The following ARID2 variants were observed in gnomAD, a reference collection of about 807,000 sequenced individuals.
The protein encoded by ARID2 is AT-rich interaction domain 2.
In ARID2, 32 loss-of-function variants were observed where a neutral mutation model predicts 184.6. The observed-to-expected ratio is 0.17, with a 90% CI of 0.13 to 0.23. The LOEUF (loss-of-function observed/expected upper bound fraction) is 0.23. Among genes scored for constraint, ARID2 ranks in the 10% least tolerant of loss-of-function variants. The pLI is 1.00. For synonymous variants in ARID2, 836 were observed against 772.6 expected (o/e 1.08, Z -1.36); for missense variants, 1,696 against 2,197.6 (o/e 0.77, Z 4.56).
intron 11 of ARID2, among the ~76,000 whole-genome samples, chr12:45,842,656 C>T (rs1592113114): frequency 6.6e-6 from 1 of 151,590 alleles, no homozygotes; most frequent in Non-Finnish European, 1.5e-5. Flanking sequence ...ACTCAGGAGG[C>T]TGAGGCAGGA....
At chr12:45,748,736 T>G (rs1941405503) in intron 3 of ARID2, among the ~76,000 whole-genome samples, 1 of 152,186 alleles carries the variant, frequency 6.6e-6, no homozygotes, top group African/African-American at 2.4e-5. Flanking sequence ...TCTAAATCCT[T>G]TGTTGTCATT....
intron 3 of ARID2, among the ~76,000 whole-genome samples, chr12:45,743,805 G>T (rs1335955094): frequency 6.6e-6 from 1 of 152,050 alleles, no homozygotes. Context: ...AGAGCCTAAA[G>T]TTTTCTTTAT....
At chr12:45,904,504 A>T (rs1242230134) in intron 20 of ARID2, 1 of 479,530 alleles carries the variant, frequency 2.1e-6, no homozygotes, top group Non-Finnish European at 3.7e-6. Flanking sequence ...CGTCCTGGCC[A>T]ACATGGTGAA....
chr12:45,873,421 C>T (rs141203388), intron 16 of ARID2, among the ~76,000 whole-genome samples: 2 of 152,274 alleles, frequency 1.3e-5, no homozygotes, highest in African/African-American at 4.8e-5. Context: ...CATTTTTCTG[C>T]CTTCTCTGAT....
intron 3 of ARID2, among the ~76,000 whole-genome samples, chr12:45,761,292 G>C (rs1941674289): frequency 6.6e-6 from 1 of 152,124 alleles, no homozygotes; most frequent in African/African-American, 2.4e-5. Context: ...CTTGTTTTAA[G>C]ATAACAATAC....
intron 3 of ARID2, among the ~76,000 whole-genome samples, chr12:45,770,053 G>T (rs955600387): frequency 6.6e-6 from 1 of 151,962 alleles, no homozygotes; most frequent in Admixed American, 6.5e-5. Context: ...AGGAGATCGA[G>T]ACCATCCTGG....
At chr12:45,768,403 G>C (rs1592064213) in intron 3 of ARID2, among the ~76,000 whole-genome samples, 2 of 152,104 alleles carry the variant, frequency 1.3e-5, no homozygotes, top group African/African-American at 4.8e-5. Context: ...GTTGAGACCC[G>C]AGGCTGTTGC....
Position 45,891,937 on chromosome 12 carries a change from A to G in ARID2, c.5061+19A>G, listed in dbSNP as rs779209310. The stretch of plus-strand genomic sequence containing the variant: ...CTTGCAGGTACACTTTTTAAATACT[A>G]TTTGATCAGTAACTCATTTGACTGC... On this transcript the variant is annotated intron_variant, in intron 17 of 20. Transcript: ENST00000334344. The G allele has an allele frequency of 8.7e-6, 14 of 1,613,840 alleles. No individual in the cohort carries two copies. The South Asian group carries it at 1.2e-4, about 14-fold the overall frequency.
chr12:45,781,875 G>A (rs905689133), intron 3 of ARID2, among the ~76,000 whole-genome samples: 3 of 152,186 alleles, frequency 2.0e-5, no homozygotes, highest in Non-Finnish European at 2.9e-5. Flanking sequence ...TAATTGGTAT[G>A]GAATCCTTTT....
chr12:45,852,389 T>G lies in ARID2; in HGVS notation c.4266T>G (p.Thr1422=). The change falls in exon 15 of 21, where the codon ACT becomes ACG. Residue 1422 remains threonine, a synonymous_variant. Transcript: ENST00000334344. The stretch of plus-strand genomic sequence containing the variant: ...GAATTTCTAATGGACCTGTATTAAC[T>G]TTGGGTGGTTCATCTGTGAGCAGTA... ...LERISNGPVL[T]LGGSSVSSIQ... is the part of the protein sequence containing the mutation. 2 of 1,614,124 alleles carry G rather than the reference T, an allele frequency of 1.2e-6. No individual in the cohort carries two copies. Among genetic ancestry groups the G allele is most frequent in the African/African-American group, 2.7e-5 (2 of 75,020 alleles).
intron 20 of ARID2, among the ~76,000 whole-genome samples, chr12:45,898,024 C>T (rs1944392390): frequency 6.6e-6 from 1 of 151,966 alleles, no homozygotes; most frequent in African/African-American, 2.4e-5. Context: ...TCTTGAACTT[C>T]TGGGCTCAAG....
chr12:45,782,976 A>G (rs1942124213), intron 3 of ARID2, among the ~76,000 whole-genome samples: 1 of 152,032 alleles, frequency 6.6e-6, no homozygotes, highest in African/African-American at 2.4e-5. Flanking sequence ...ATAAATAAAA[A>G]TTAGCCAGGG....
intron 3 of ARID2, among the ~76,000 whole-genome samples, chr12:45,804,471 A>C (rs1565602571): frequency 6.6e-6 from 1 of 150,734 alleles, no homozygotes; most frequent in Non-Finnish European, 1.5e-5. Context: ...TAGTTTTTCT[A>C]GTGTGTGCGT....
chr12:45,898,717 ACCAGCCTGG>A (rs1251148517), intron 20 of ARID2, among the ~76,000 whole-genome samples: 4 of 151,824 alleles, frequency 2.6e-5, no homozygotes, highest in African/African-American at 9.7e-5. Context: ...GGAGTTTGAG[ACCAGCCTGG>A]CCAGCATGGC....
Position 45,817,712 on chromosome 12 carries a change from C to T in ARID2, c.461C>T (p.Ser154Leu), listed in dbSNP as rs554503964. 20 of 1,611,858 alleles carry T rather than the reference C, an allele frequency of 1.2e-5. No individual in the cohort carries two copies. The highest frequency in any genetic ancestry group is 1.5e-5 in the Non-Finnish European group (18 of 1,179,712). Residue 154 changes from serine to leucine, a missense_variant, in exon 5 of 21, where the codon TCG becomes TTG. Transcript: ENST00000334344. ...QSYGLSMDFN[S>L]PNDYNKLVLS... ...TATGGGCTGTCCATGGACTTTAATT[C>T]GCCAAATGATTATAATAAATTGGTG...
intron 3 of ARID2, among the ~76,000 whole-genome samples, chr12:45,802,916 CAT>C (rs1942533302): frequency 6.6e-6 from 1 of 152,168 alleles, no homozygotes; most frequent in South Asian, 2.1e-4. Flanking sequence ...ATGATTTTCA[CAT>C]GTCTAATCTT....
chr12:45,821,597 T>C, intron 6 of ARID2, 110 bp downstream of exon 6: 1 of 558,980 alleles, frequency 1.8e-6, no homozygotes. Context: ...ACTTTTATCT[T>C]TACCTAATAC....
chr12:45,734,507 A>C (rs1042450237), intron 3 of ARID2, among the ~76,000 whole-genome samples: 2 of 151,996 alleles, frequency 1.3e-5, no homozygotes, highest in African/African-American at 4.8e-5. Flanking sequence ...TATTATTAGG[A>C]TATTCCTATA....
In ARID2 at chr12:45,851,255, G is replaced by A. The variant is rs2138169431; in HGVS notation, c.3132G>A (p.Gln1044=). ...TACAGATGCAAGTTCAACCTCAACAGTCGAATGCAGGAGTTGGTCAGCCTG... is the reference window on the plus strand; with the variant it reads ...TACAGATGCAAGTTCAACCTCAACAATCGAATGCAGGAGTTGGTCAGCCTG... ...QQVQMQVQPQ[Q]SNAGVGQPAS... The change falls in exon 15 of 21, where the codon CAG becomes CAA. Residue 1044 remains glutamine, a synonymous_variant. Coordinates refer to ENST00000334344, the MANE Select transcript of ARID2 (RefSeq NM_152641.4). 1 of 1,614,172 alleles carries A rather than the reference G, an allele frequency of 6.2e-7. No homozygotes were observed. The highest frequency in any genetic ancestry group is 1.1e-5 in the South Asian group (1 of 91,084).
Sources: allele counts gnomAD v4.1 joint callset (sites outside exome capture counted in the v4.1 genomes callset), GRCh38; gene constraint gnomAD v4.1.1; transcripts MANE v1.5; gene names NCBI Gene and HGNC (gene_info 2026-07-23, HGNC 2026-07-21).